SIL1: variants seen among roughly 807,000 people sequenced by gnomAD.
SIL1 encodes the protein nucleotide exchange factor SIL1.
Under a neutral mutation model 49.1 loss-of-function variants are expected in SIL1, and 40 were observed. The ratio of observed to expected loss-of-function variants is 0.81; its 90% CI spans 0.63 to 1.06. SIL1 has a LOEUF of 1.06. Among genes scored for constraint, SIL1 ranks in the 50% least tolerant of loss-of-function variants. The pLI, the probability that SIL1 is intolerant of heterozygous loss-of-function variation, is 0.00. For missense variants in SIL1, 500 were observed against 572.6 expected, an observed-to-expected ratio of 0.87 and a Z score of 1.29; for synonymous variants, 253 against 250.8, an observed-to-expected ratio of 1.01 and a Z score of -0.08.
intron 1 of SIL1, among the ~76,000 whole-genome samples, chr5:139,143,344 C>CACACACATATATATAT (rs1451727500): frequency 2.1e-5 from 2 of 97,530 alleles, no homozygotes; most frequent in African/African-American, 1.1e-4. Context: ...CACACACACA[C>CACACACATATATATAT]ATATATATAT....
intron 7 of SIL1, among the ~76,000 whole-genome samples, chr5:138,959,557 C>T (rs1316758796): frequency 2.0e-5 from 3 of 152,254 alleles, no homozygotes; most frequent in African/African-American, 7.2e-5. Flanking sequence ...CTTGTCCTGA[C>T]AGGTCAGCCC....
At chr5:138,970,422 A>G (rs989271586) in intron 7 of SIL1, among the ~76,000 whole-genome samples, 2 of 152,234 alleles carry the variant, frequency 1.3e-5, no homozygotes, top group Non-Finnish European at 2.9e-5. Context: ...GTTGTTTTGT[A>G]TTAGTTAGGA....
intron 3 of SIL1, among the ~76,000 whole-genome samples, chr5:139,094,140 A>G (rs1237800573): frequency 1.3e-5 from 2 of 152,146 alleles, no homozygotes; most frequent in Non-Finnish European, 1.5e-5. Flanking sequence ...CCTGACTCTC[A>G]TTTCCATGCT....
chr5:139,043,200 G>A (rs1389339827), intron 4 of SIL1, among the ~76,000 whole-genome samples: 2 of 152,172 alleles, frequency 1.3e-5, no homozygotes, highest in African/African-American at 4.8e-5. Context: ...TTTCATGAAA[G>A]AGGAAGCAAT....
At position 139,161,773 on chromosome 5, in the gene SIL1, T is replaced by C. The variant is rs573522651; in HGVS notation, c.-10-33920A>G. Among the ~76,000 whole-genome samples the C allele has an allele frequency of 2.1e-3, 312 of 152,154 alleles. 2 individuals carry two copies. The highest frequency in any genetic ancestry group is 0.014 in the Middle Eastern group (4 of 294). ...GGCTCATGCCTGTAATCCCACCACT[T>C]TGGGAGGCTGAGGTGGGCAGATTGA... On this transcript the variant is annotated intron_variant, in intron 1 of 9. Coordinates refer to ENST00000394817, the MANE Select transcript of SIL1 (RefSeq NM_022464.5).
chr5:139,129,108 C>T (rs1750811170), intron 1 of SIL1, among the ~76,000 whole-genome samples: 1 of 152,172 alleles, frequency 6.6e-6, no homozygotes, highest in Non-Finnish European at 1.5e-5. Flanking sequence ...GATCGCACCA[C>T]TGCACTACAA....
chr5:139,142,877 T>G (rs572240205), intron 1 of SIL1, among the ~76,000 whole-genome samples: 1 of 152,114 alleles, frequency 6.6e-6, no homozygotes, highest in East Asian at 1.9e-4. Context: ...CACGCCATTC[T>G]CCTGCATCAG....
intron 1 of SIL1, among the ~76,000 whole-genome samples, chr5:139,171,713 GAAAAAAAATAAAAAAGA>G (rs1369598241): frequency 7.5e-6 from 1 of 133,018 alleles, no homozygotes; most frequent in African/African-American, 2.8e-5. Flanking sequence ...AAAATAAAAA[GAAAAAAAATAAAAAAGA>G]AAAAAAAAGA....
At chr5:139,153,098 G>A (rs973607119) in intron 1 of SIL1, among the ~76,000 whole-genome samples, 40 of 152,332 alleles carry the variant, frequency 2.6e-4, no homozygotes, top group African/African-American at 7.7e-4. Context: ...GATTACAGGC[G>A]TGAGCCACCG....
At chr5:139,054,923 G>A (rs1769373449) in intron 3 of SIL1, among the ~76,000 whole-genome samples, 1 of 152,176 alleles carries the variant, frequency 6.6e-6, no homozygotes, top group Non-Finnish European at 1.5e-5. Context: ...TTCTCCACTG[G>A]GGAAATGTCC....
chr5:139,054,488 T>C (rs1313448881), intron 3 of SIL1, among the ~76,000 whole-genome samples: 4 of 152,172 alleles, frequency 2.6e-5, no homozygotes, highest in Admixed American at 6.5e-5. Context: ...TCTAGAGTTA[T>C]ATGGAAAGGC....
At chr5:139,060,627 A>G (rs1769564567) in intron 3 of SIL1, among the ~76,000 whole-genome samples, 1 of 151,798 alleles carries the variant, frequency 6.6e-6, no homozygotes, top group Non-Finnish European at 1.5e-5. Context: ...AATTATTCCC[A>G]TTGTACACTT....
intron 7 of SIL1, among the ~76,000 whole-genome samples, chr5:138,974,669 G>A (rs1364110511): frequency 6.6e-6 from 1 of 152,188 alleles, no homozygotes; most frequent in East Asian, 1.9e-4. Context: ...GAGGGAAGGA[G>A]CCCCTGTTTC....
chr5:138,961,952 C>CTTTTT (rs10593901), intron 7 of SIL1, among the ~76,000 whole-genome samples: 12 of 119,750 alleles, frequency 1.0e-4, no homozygotes, highest in Non-Finnish European at 1.9e-4. Context: ...GTTCTCTAGA[C>CTTTTT]TTTTTTTTTT....
intron 1 of SIL1, among the ~76,000 whole-genome samples, chr5:139,173,649 A>G (rs1317881035): frequency 1.3e-5 from 2 of 152,064 alleles, no homozygotes; most frequent in African/African-American, 4.8e-5. Context: ...GTGTACATTA[A>G]AAAACAGGAA....
chr5:139,137,263 G>A, intron 1 of SIL1: 1 of 700,830 alleles, frequency 1.4e-6, no homozygotes, highest in Non-Finnish European at 2.6e-6. Context: ...ACAACCCTCT[G>A]AGGTGGTTCC....
At chr5:138,998,525 T>C (rs1261621163) in intron 7 of SIL1, among the ~76,000 whole-genome samples, 1 of 152,094 alleles carries the variant, frequency 6.6e-6, no homozygotes, top group Non-Finnish European at 1.5e-5. Flanking sequence ...TACTCCAAGA[T>C]ATACAGAAAG....
At chr5:138,998,456 C>T (rs1767920278) in intron 7 of SIL1, among the ~76,000 whole-genome samples, 1 of 152,194 alleles carries the variant, frequency 6.6e-6, no homozygotes, top group Non-Finnish European at 1.5e-5. Context: ...GCGTGAGCCA[C>T]TGTGCTCAGC....
chr5:139,138,649 A>C (rs1415851742), intron 1 of SIL1, among the ~76,000 whole-genome samples: 1 of 152,198 alleles, frequency 6.6e-6, no homozygotes, highest in Non-Finnish European at 1.5e-5. Flanking sequence ...CTATAAGAGG[A>C]CTTGATAGTA....
Sources: allele counts gnomAD v4.1 joint callset (sites outside exome capture counted in the v4.1 genomes callset), GRCh38; gene constraint gnomAD v4.1.1; transcripts MANE v1.5; gene names NCBI Gene and HGNC (gene_info 2026-07-23, HGNC 2026-07-21).